The following AVL9 variants were observed in gnomAD, a reference collection of about 807,000 sequenced individuals.
AVL9 encodes AVL9 cell migration associated.
Under a neutral mutation model 79.2 loss-of-function variants are expected in AVL9, and 49 were observed. The observed-to-expected ratio is 0.62, with a 90% CI of 0.49 to 0.79. The LOEUF (loss-of-function observed/expected upper bound fraction) is 0.79. Among genes scored for constraint, AVL9 ranks in the 30% least tolerant of loss-of-function variants. AVL9 has a pLI of 0.00. For synonymous variants in AVL9, 299 were observed against 280.6 expected (o/e 1.07, Z -0.65); for missense variants, 682 against 776.8 (o/e 0.88, Z 1.45).
intron 10 of AVL9, among the ~76,000 whole-genome samples, chr7:32,568,817 T>G (rs1790698364): frequency 6.6e-6 from 1 of 152,230 alleles, no homozygotes; most frequent in African/African-American, 2.4e-5. Context: ...AATATAATAC[T>G]GATTCTGAAT....
intron 1 of AVL9, among the ~76,000 whole-genome samples, chr7:32,503,267 G>A (rs576821044): frequency 2.7e-5 from 4 of 149,520 alleles, no homozygotes; most frequent in Non-Finnish European, 4.4e-5. Flanking sequence ...CTTGAGGCCC[G>A]GAGTTCGAGC....
chr7:32,543,897 C>G (rs1456969164), intron 2 of AVL9, among the ~76,000 whole-genome samples: 1 of 17,604 alleles, frequency 5.7e-5, no homozygotes, highest in African/African-American at 1.7e-4. Context: ...TATTGATTTT[C>G]TTTCTTTCTT....
chr7:32,576,689 G>C (rs969155132), intron 13 of AVL9, among the ~76,000 whole-genome samples: 1 of 152,114 alleles, frequency 6.6e-6, no homozygotes, highest in Non-Finnish European at 1.5e-5. Flanking sequence ...GGGAGGCTGA[G>C]ACAGGAGAAT....
At chr7:32,548,799 A>C (rs542956218) in intron 3 of AVL9, 48 bp from the exon 4 acceptor site, 4 of 1,277,702 alleles carry the variant, frequency 3.1e-6, no homozygotes, top group Admixed American at 5.0e-5. Context: ...ATATTTTTGA[A>C]ATATTGCTAT....
At chr7:32,569,520 C>A (rs1375273970) in intron 10 of AVL9, among the ~76,000 whole-genome samples, 1 of 152,196 alleles carries the variant, frequency 6.6e-6, no homozygotes, top group African/African-American at 2.4e-5. Flanking sequence ...TAACAAATAT[C>A]TTGAAATCTT....
At chr7:32,572,432 TTTTA>T (rs1427719699) in intron 11 of AVL9, among the ~76,000 whole-genome samples, 1 of 149,894 alleles carries the variant, frequency 6.7e-6, no homozygotes, top group Non-Finnish European at 1.5e-5. Flanking sequence ...TAGGAATTTC[TTTTA>T]TTATTATACT....
intron 10 of AVL9, chr7:32,562,585 C>T: frequency 1.0e-6 from 1 of 964,362 alleles, no homozygotes; most frequent in Non-Finnish European, 1.2e-6. Flanking sequence ...TTCTTAATGT[C>T]AGTAATGCAT....
At chr7:32,525,756 T>C (rs1179150823) in intron 1 of AVL9, among the ~76,000 whole-genome samples, 2 of 152,222 alleles carry the variant, frequency 1.3e-5, no homozygotes, top group Non-Finnish European at 2.9e-5. Context: ...AAAATATTAA[T>C]GTTATTTATT....
At chr7:32,526,427 C>T (rs1788402638) in intron 1 of AVL9, among the ~76,000 whole-genome samples, 1 of 152,156 alleles carries the variant, frequency 6.6e-6, no homozygotes, top group African/African-American at 2.4e-5. Context: ...TCTTAGAAAA[C>T]ATATATCAAA....
chr7:32,547,478 C>T (rs186219072), intron 3 of AVL9, among the ~76,000 whole-genome samples: 12 of 152,222 alleles, frequency 7.9e-5, no homozygotes, highest in Non-Finnish European at 1.6e-4. Flanking sequence ...TTTTATTACC[C>T]GTATGTCATG....
rs1318760131 is a variant in AVL9, at chr7:32,568,202, TTTA to T, written c.1216-1815_1216-1813del. Among the ~76,000 whole-genome samples, 7 of 131,014 alleles carry T rather than the reference TTTA, an allele frequency of 5.3e-5. No individual in the cohort carries two copies. In the South Asian group the frequency reaches 7.4e-4, roughly 14 times the overall value. 86.0% of individuals were successfully genotyped at this position (131,014 alleles called of 152,430 possible). On this transcript the variant is annotated intron_variant, in intron 10 of 15. Transcript: ENST00000318709. Reference sequence around the variant, plus strand: ...TTTTTACATCATATTCTTTTATTTATTTATTTTTTTTTTTTTGAGATGGAGTCT... The same window carrying T: ...TTTTTACATCATATTCTTTTATTTATTTTTTTTTTTTTTGAGATGGAGTCT...
chr7:32,527,114 A>T (rs984677634), intron 1 of AVL9, among the ~76,000 whole-genome samples: 1 of 152,132 alleles, frequency 6.6e-6, no homozygotes, highest in Non-Finnish European at 1.5e-5. Context: ...TCAAGGTCAG[A>T]CCCTCCAAAT....
chr7:32,513,182 C>T (rs890641184), intron 1 of AVL9, among the ~76,000 whole-genome samples: 21 of 152,200 alleles, frequency 1.4e-4, no homozygotes, highest in African/African-American at 5.1e-4. Flanking sequence ...AACCTGGTGT[C>T]ATAGTATTGG....
intron 1 of AVL9, among the ~76,000 whole-genome samples, chr7:32,511,626 T>C (rs1303572099): frequency 6.6e-6 from 1 of 151,866 alleles, no homozygotes; most frequent in Non-Finnish European, 1.5e-5. Context: ...ATACGGACGC[T>C]CTGGAATTAA....
intron 10 of AVL9, among the ~76,000 whole-genome samples, chr7:32,568,639 A>G (rs920781297): frequency 1.2e-4 from 19 of 152,216 alleles, no homozygotes; most frequent in African/African-American, 4.6e-4. Flanking sequence ...CATAAATATA[A>G]TATCACATAT....
intron 2 of AVL9, 60 bp from the exon 3 acceptor site, chr7:32,544,633 AT>A: frequency 8.6e-7 from 1 of 1,157,714 alleles, no homozygotes; most frequent in Non-Finnish European, 1.3e-6. Flanking sequence ...GCTTCAGATT[AT>A]ACTACTTATT....
At chr7:32,513,540 T>G (rs1282342948) in intron 1 of AVL9, among the ~76,000 whole-genome samples, 2 of 152,250 alleles carry the variant, frequency 1.3e-5, no homozygotes, top group Admixed American at 6.5e-5. Context: ...CTTGGAAGCC[T>G]CCTTCTTTGA....
intron 2 of AVL9, among the ~76,000 whole-genome samples, chr7:32,543,909 CT>C (rs1562777516): frequency 1.3e-5 from 2 of 148,490 alleles, no homozygotes; most frequent in African/African-American, 4.9e-5. Flanking sequence ...TTCTTTCTTT[CT>C]TTCTTTTTTT....
chr7:32,526,634 C>T (rs944580358), intron 1 of AVL9, among the ~76,000 whole-genome samples: 1 of 152,116 alleles, frequency 6.6e-6, no homozygotes, highest in Non-Finnish European at 1.5e-5. Context: ...GGGAAATTAA[C>T]CCTTCCCAGT....
Sources: allele counts gnomAD v4.1 joint callset (sites outside exome capture counted in the v4.1 genomes callset), GRCh38; gene constraint gnomAD v4.1.1; transcripts MANE v1.5; gene names NCBI Gene and HGNC (gene_info 2026-07-23, HGNC 2026-07-21).